The following MOB1B variants were observed in gnomAD, a reference collection of about 807,000 sequenced individuals.
MOB1B encodes MOB kinase activator 1B, also known as MOB1 Mps One Binder homolog B.
In MOB1B, 19 loss-of-function variants were observed where a neutral mutation model predicts 24.4. That is an observed-to-expected ratio of 0.78 (90% CI 0.54 to 1.14). The LOEUF is 1.14. Among genes scored for constraint, MOB1B ranks in the 50% most tolerant of loss-of-function variants. MOB1B has a pLI of 0.00. For synonymous variants in MOB1B, 76 were observed against 82.1 expected, an observed-to-expected ratio of 0.93 and a Z score of 0.40; for missense variants, 243 against 259.6, an observed-to-expected ratio of 0.94 and a Z score of 0.44.
At chr4:70,926,084 C>A (rs1394273205) in intron 1 of MOB1B, among the ~76,000 whole-genome samples, 1 of 152,110 alleles carries the variant, frequency 6.6e-6, no homozygotes, top group African/African-American at 2.4e-5. Context: ...ACCTCCTGGG[C>A]TCGTGATTCT....
At chr4:70,953,501 A>G (rs889449542) in intron 1 of MOB1B, among the ~76,000 whole-genome samples, 6 of 152,250 alleles carry the variant, frequency 3.9e-5, no homozygotes, top group African/African-American at 1.4e-4. Flanking sequence ...GAAGAGAGTC[A>G]AGAGGCTGCA....
At chr4:70,912,742 C>T (rs1164952801) in intron 1 of MOB1B, among the ~76,000 whole-genome samples, 3 of 152,146 alleles carry the variant, frequency 2.0e-5, no homozygotes, top group Admixed American at 2.0e-4. Flanking sequence ...GTATTGCATC[C>T]ACTTATGTCT....
chr4:70,923,432 G>T (rs1327979439), intron 1 of MOB1B, among the ~76,000 whole-genome samples: 1 of 152,020 alleles, frequency 6.6e-6, no homozygotes, highest in Non-Finnish European at 1.5e-5. Context: ...CCAACTCCTG[G>T]GCTCAAGCGA....
At position 70,902,440 on chromosome 4, in the gene MOB1B, C is replaced by A; in HGVS notation, c.-97C>A. On this transcript the variant is annotated 5_prime_UTR_variant, in exon 1 of 6. Transcript: ENST00000309395. ...CTCTCGGCACCTCCTCCTCCGCCTC[C>A]CTGTCTCCTGTTCCATTCGCCTTTC... 7.4e-7 allele frequency: 1 copy of A among 1,350,450 alleles called. No individual in the cohort carries two copies. The highest frequency in any genetic ancestry group is 2.0e-5 in the Admixed American group (1 of 50,762). The allele number at this position is 1,350,450 out of a possible 1,614,324, so 83.7% of individuals were successfully genotyped here. A position where few individuals can be genotyped will look rare whatever the true frequency, so the allele number is the denominator to read the frequency against.
chr4:70,926,777 A>G (rs949157070), intron 1 of MOB1B, among the ~76,000 whole-genome samples: 4 of 151,450 alleles, frequency 2.6e-5, no homozygotes, highest in African/African-American at 7.3e-5. Flanking sequence ...GAGGTGGATC[A>G]TGAGGTCAGG....
In MOB1B at chr4:70,982,663, T is replaced by A. The variant is rs1239364006; in HGVS notation, c.*606T>A. On this transcript the variant is annotated 3_prime_UTR_variant, in exon 6 of 6. Transcript: ENST00000309395. Reference sequence around the variant, plus strand: ...GAACATAAAAAATATTTCTTAATTATTTTTTATATTGATGGTAATATATTA... The same window carrying A: ...GAACATAAAAAATATTTCTTAATTAATTTTTATATTGATGGTAATATATTA... 6.6e-6 allele frequency: 1 copy of A among 152,612 alleles called. No individual in the cohort carries two copies. Among genetic ancestry groups the A allele is most frequent in the East Asian group, 1.9e-4 (1 of 5,204 alleles). 9.5% of individuals were successfully genotyped at this position (152,612 alleles called of 1,614,324 possible).
At chr4:70,976,546 C>G in intron 4 of MOB1B, 1 of 985,008 alleles carries the variant, frequency 1.0e-6, no homozygotes, top group Non-Finnish European at 1.2e-6. Flanking sequence ...TTTGCCTTCT[C>G]AAACTTCTGA....
intron 1 of MOB1B, among the ~76,000 whole-genome samples, chr4:70,939,564 C>G (rs540776529): frequency 6.6e-6 from 1 of 152,296 alleles, no homozygotes; most frequent in African/African-American, 2.4e-5. Flanking sequence ...CACCTGCAAT[C>G]CCAGCTACTC....
intron 5 of MOB1B, among the ~76,000 whole-genome samples, chr4:70,981,458 C>T (rs1739208160): frequency 6.6e-6 from 1 of 152,138 alleles, no homozygotes; most frequent in African/African-American, 2.4e-5. Context: ...CTTCACAGGA[C>T]TTTAATTTAT....
At chr4:70,975,805 A>G (rs1042620982) in intron 4 of MOB1B, 2 of 933,674 alleles carry the variant, frequency 2.1e-6, no homozygotes, top group Non-Finnish European at 2.6e-6. Context: ...TATATTTTTA[A>G]TCTTATGCAC....
chr4:70,969,851 C>T (rs1738684700), intron 2 of MOB1B, 80 bp from the exon 3 acceptor site: 1 of 758,558 alleles, frequency 1.3e-6, no homozygotes, highest in Non-Finnish European at 2.2e-6. Context: ...GCCAATAAGC[C>T]TATTCTGTTC....
At chr4:70,965,134 T>TA (rs1192773463) in intron 2 of MOB1B, among the ~76,000 whole-genome samples, 1 of 151,394 alleles carries the variant, frequency 6.6e-6, no homozygotes, top group African/African-American at 2.4e-5. Flanking sequence ...CCGTCTGTAT[T>TA]AAAAATACAA....
intron 1 of MOB1B, among the ~76,000 whole-genome samples, chr4:70,922,727 A>T (rs1736488175): frequency 6.6e-6 from 1 of 152,196 alleles, no homozygotes; most frequent in Admixed American, 6.5e-5. Flanking sequence ...TGTTTAGTAG[A>T]GTTATACTTC....
chr4:70,960,774 C>T (rs1463033127), intron 2 of MOB1B, among the ~76,000 whole-genome samples: 5 of 152,192 alleles, frequency 3.3e-5, no homozygotes, highest in Non-Finnish European at 7.3e-5. Context: ...CAGAATGAAT[C>T]TCCAATATAT....
At chr4:70,962,986 A>T (rs1738364971) in intron 2 of MOB1B, among the ~76,000 whole-genome samples, 1 of 152,228 alleles carries the variant, frequency 6.6e-6, no homozygotes, top group Admixed American at 6.5e-5. Flanking sequence ...CCTGGGTGAC[A>T]GAGCGAGACT....
chr4:70,975,935 T>C (rs1355385364), intron 4 of MOB1B: 1 of 559,168 alleles, frequency 1.8e-6, no homozygotes. Context: ...AGTATCTCTG[T>C]ATTGCCCAGG....
chr4:70,922,104 C>T (rs751752476), intron 1 of MOB1B, among the ~76,000 whole-genome samples: 15 of 152,060 alleles, frequency 9.9e-5, no homozygotes, highest in Non-Finnish European at 1.3e-4. Flanking sequence ...TACAGAATTA[C>T]GTGTTAACTA....
intron 1 of MOB1B, among the ~76,000 whole-genome samples, chr4:70,929,380 T>C (rs1319493336): frequency 2.0e-5 from 3 of 152,028 alleles, no homozygotes; most frequent in South Asian, 2.1e-4. Flanking sequence ...GATTTTCCCA[T>C]GTTGGCCAGG....
At chr4:70,939,643 G>A (rs1234285320) in intron 1 of MOB1B, among the ~76,000 whole-genome samples, 1 of 152,226 alleles carries the variant, frequency 6.6e-6, no homozygotes, top group Non-Finnish European at 1.5e-5. Context: ...CCCCCTTAAA[G>A]GGTGTGCGGT....
Sources: gnomAD v4.1 joint callset for allele counts (sites outside exome capture counted in the v4.1 genomes callset) on GRCh38, gnomAD v4.1.1 for gene constraint, MANE v1.5 for transcripts, NCBI Gene and HGNC (gene_info 2026-07-23, HGNC 2026-07-21) for gene names.